SYNGR1: variants seen among roughly 807,000 people sequenced by gnomAD.
SYNGR1 encodes the protein synaptogyrin 1.
Under a neutral mutation model 26.1 loss-of-function variants are expected in SYNGR1, and 14 were observed. That is an observed-to-expected ratio of 0.54 (90% CI 0.35 to 0.84). SYNGR1 has a LOEUF of 0.84. Ranked by LOEUF, SYNGR1 falls within the 40% of genes least tolerant of loss-of-function variation. The pLI is 0.01. For missense variants in SYNGR1, 319 were observed against 332.9 expected (o/e 0.96, Z 0.33); for synonymous variants, 141 against 150.1 (o/e 0.94, Z 0.44).
chr22:39,368,169 G>A (rs1486540774), intron 1 of SYNGR1, among the ~76,000 whole-genome samples: 1 of 152,186 alleles, frequency 6.6e-6, no homozygotes, highest in Non-Finnish European at 1.5e-5. Flanking sequence ...GCCTTCTGGG[G>A]CTCCTTACTC....
chr22:39,357,983 G>A (rs1234244195), intron 1 of SYNGR1, among the ~76,000 whole-genome samples: 1 of 152,260 alleles, frequency 6.6e-6, no homozygotes, highest in Non-Finnish European at 1.5e-5. Flanking sequence ...TGAGGAGTGC[G>A]AGCGCACGGC....
chr22:39,354,712 G>T (rs766296848), intron 1 of SYNGR1, among the ~76,000 whole-genome samples: 1 of 152,052 alleles, frequency 6.6e-6, no homozygotes, highest in Non-Finnish European at 1.5e-5. Context: ...GGTGGCGGTC[G>T]CCTGTTATCC....
rs182369076 is a variant in SYNGR1 at position 39,380,414 on chromosome 22, T to G, written c.484-1282T>G. ...CTTCGGTGACCCAGGCATCTTTCCT[T>G]TTTTTTAGAGACAGGGTCTCACTCT... On this transcript the variant is annotated intron_variant, in intron 3 of 3. Transcript: ENST00000328933. Among the ~76,000 whole-genome samples the G allele has an allele frequency of 1.1e-3, 172 of 152,026 alleles. 1 individual carries two copies. The highest frequency in any genetic ancestry group is 3.4e-3 in the Middle Eastern group (1 of 294).
chr22:39,371,646 A>G (rs185488196), intron 1 of SYNGR1, among the ~76,000 whole-genome samples: 1 of 151,814 alleles, frequency 6.6e-6, no homozygotes, highest in Admixed American at 6.6e-5. Context: ...CAAAAAATTA[A>G]CCAGGTATCG....
chr22:39,381,249 T>C (rs4821889), intron 3 of SYNGR1, among the ~76,000 whole-genome samples: 98,047 of 152,118 alleles, frequency 0.64, 32,317 homozygotes, highest in East Asian at 0.93. Context: ...GGGTACCCCA[T>C]TGGCCAAAAC....
intron 1 of SYNGR1, among the ~76,000 whole-genome samples, chr22:39,360,921 C>T (rs1924441839): frequency 6.6e-6 from 1 of 152,236 alleles, no homozygotes; most frequent in African/African-American, 2.4e-5. Context: ...CTGCATCTGT[C>T]ATAGCCCCAG....
rs929967800 is a variant in SYNGR1, at chr22:39,382,046, C to T, written c.*132C>T. 2.9e-5 allele frequency: 30 copies of T among 1,022,110 alleles called. No homozygotes were observed. Among genetic ancestry groups the T allele is most frequent in the Non-Finnish European group, 3.6e-5 (25 of 685,470 alleles). The allele number at this position is 1,022,110 out of a possible 1,614,324, so 63.3% of individuals were successfully genotyped here. On this transcript the variant is annotated 3_prime_UTR_variant, in exon 4 of 4. Transcript: ENST00000328933. ...CTTGTCCCACTGAGGTCCAGGGTAG[C>T]TCGGGGCAGGGGTGGGGCAGTCCAG...
intron 1 of SYNGR1, among the ~76,000 whole-genome samples, chr22:39,365,529 G>C (rs1924699713): frequency 6.6e-6 from 1 of 152,204 alleles, no homozygotes; most frequent in South Asian, 2.1e-4. Flanking sequence ...GAGTGGCTGA[G>C]GGGCAGAAAC....
intron 3 of SYNGR1, chr22:39,378,067 G>A (rs1925366196): frequency 8.4e-7 from 1 of 1,185,970 alleles, no homozygotes; most frequent in African/African-American, 1.6e-5. Context: ...CTGCCTAGAG[G>A]CGTTCATGGT....
Position 39,385,278 on chromosome 22 carries a change from C to G in SYNGR1, c.*3364C>G, listed in dbSNP as rs1925625930. The G allele has an allele frequency of 3.0e-6, 1 of 328,810 alleles. No individual in the cohort carries two copies. The highest frequency in any genetic ancestry group is 5.5e-6 in the Non-Finnish European group (1 of 182,752). 20.4% of individuals were successfully genotyped at this position (328,810 alleles called of 1,614,324 possible). A position where few individuals can be genotyped will look rare whatever the true frequency, so the allele number is the denominator to read the frequency against. On this transcript the variant is annotated 3_prime_UTR_variant, in exon 4 of 4. Transcript: ENST00000328933. ...GGTGCGCACAGCCCTTGTCGGTGCC[C>G]CGGCCCCTCCCGCAGCGTTACTGCC...
At chr22:39,377,524 C>A in intron 3 of SYNGR1, 1 of 1,576,968 alleles carries the variant, frequency 6.3e-7, no homozygotes, top group Non-Finnish European at 8.6e-7. Context: ...CTGCCCGGCC[C>A]CCTGAAGCCA....
chr22:39,378,852 C>T (rs1427040490), intron 3 of SYNGR1, among the ~76,000 whole-genome samples: 2 of 152,206 alleles, frequency 1.3e-5, no homozygotes, highest in Non-Finnish European at 2.9e-5. Flanking sequence ...TGTCTTGTGG[C>T]CCCTTAAACT....
chr22:39,368,540 G>A (rs1033471769), intron 1 of SYNGR1, among the ~76,000 whole-genome samples: 7 of 152,196 alleles, frequency 4.6e-5, no homozygotes, highest in Non-Finnish European at 1.0e-4. Flanking sequence ...CAGTCCCTCC[G>A]AAGCTATTCT....
intron 3 of SYNGR1, chr22:39,377,398 A>G (rs1300356128): frequency 1.0e-6 from 1 of 985,290 alleles, no homozygotes; most frequent in East Asian, 1.1e-4. Context: ...AGTCCAGAGA[A>G]GGTGCCCCAG....
chr22:39,368,705 C>T (rs879436259), intron 1 of SYNGR1, among the ~76,000 whole-genome samples: 12 of 152,196 alleles, frequency 7.9e-5, no homozygotes, highest in Non-Finnish European at 1.3e-4. Flanking sequence ...GCCTGTTTCC[C>T]CTCCCACCTC....
chr22:39,353,487 G>C (rs1229820834), intron 1 of SYNGR1, among the ~76,000 whole-genome samples: 1 of 152,238 alleles, frequency 6.6e-6, no homozygotes, highest in Middle Eastern at 3.2e-3. Context: ...ATCCGGCATG[G>C]CTTGTCTCTT....
At chr22:39,367,822 C>CAA (rs749046250) in intron 1 of SYNGR1, among the ~76,000 whole-genome samples, 73 of 54,238 alleles carry the variant, frequency 1.3e-3, no homozygotes, top group African/African-American at 3.3e-3. Flanking sequence ...GACCCTGTCT[C>CAA]AAAAAAAAAA....
At chr22:39,357,221 C>T (rs1924182747) in intron 1 of SYNGR1, among the ~76,000 whole-genome samples, 1 of 151,986 alleles carries the variant, frequency 6.6e-6, no homozygotes, top group Admixed American at 6.6e-5. Context: ...AGCCAAGATC[C>T]CACCACTGCA....
chr22:39,367,501 A>G (rs1924816916), intron 1 of SYNGR1, among the ~76,000 whole-genome samples: 2 of 152,172 alleles, frequency 1.3e-5, no homozygotes, highest in Non-Finnish European at 1.5e-5. Context: ...GGGCCAGCAC[A>G]TGAAGGGCCT....
Sources: gnomAD v4.1 joint callset for allele counts (sites outside exome capture counted in the v4.1 genomes callset) on GRCh38, gnomAD v4.1.1 for gene constraint, MANE v1.5 for transcripts, NCBI Gene and HGNC (gene_info 2026-07-23, HGNC 2026-07-21) for gene names.